The following NOL10 variants were observed in gnomAD, a reference collection of about 807,000 sequenced individuals.
NOL10 encodes the protein H_NH0074G24.1.
NOL10 carries 58 observed loss-of-function variants against 103.5 expected under a neutral mutation model. The observed-to-expected ratio is 0.56, with a 90% CI of 0.45 to 0.70. The LOEUF (loss-of-function observed/expected upper bound fraction) is 0.70, where lower values mean the gene tolerates loss of function less well. NOL10 is among the 30% of genes least tolerant of loss of function. The pLI, the probability that NOL10 is intolerant of heterozygous loss-of-function variation, is 0.00. For missense variants in NOL10, 763 were observed against 807.3 expected, an observed-to-expected ratio of 0.95 and a Z score of 0.67; for synonymous variants, 287 against 282.5, an observed-to-expected ratio of 1.02 and a Z score of -0.16.
chr2:10,591,458 C>T (rs868330932), intron 17 of NOL10, among the ~76,000 whole-genome samples: 4 of 151,912 alleles, frequency 2.6e-5, no homozygotes, highest in East Asian at 1.9e-4. Context: ...CATTTCCAGC[C>T]GATGGGAGTG....
chr2:10,619,237 C>CCT (rs56070731), intron 13 of NOL10, among the ~76,000 whole-genome samples: 87,366 of 151,878 alleles, frequency 0.58, 26,251 homozygotes, highest in African/African-American at 0.74. Context: ...GCCTTGATCA[C>CCT]GGGCTTAAGC....
chr2:10,684,483 C>G, intron 2 of NOL10, 84 bp downstream of exon 2: 2 of 1,074,558 alleles, frequency 1.9e-6, no homozygotes. Context: ...CTTATAAATC[C>G]TCACTTATAT....
chr2:10,585,962 C>T (rs1414979712), intron 19 of NOL10, among the ~76,000 whole-genome samples: 1 of 152,178 alleles, frequency 6.6e-6, no homozygotes, highest in African/African-American at 2.4e-5. Context: ...CCGATAGATG[C>T]TACAACACGG....
rs1572230683 is a variant in NOL10, at chr2:10,582,664, T to C, written c.1845-4926A>G. Among the ~76,000 whole-genome samples the C allele has an allele frequency of 2.6e-5, 4 of 152,314 alleles. 1 individual carries two copies. Among genetic ancestry groups the C allele is most frequent in the Admixed American group, 2.6e-4 (4 of 15,300 alleles). ...CACGCATCTGGACTTCTTTCCTCCA[T>C]GTCTCTGAGGATGCATACCTTGTCT... On this transcript the variant is annotated intron_variant, in intron 19 of 20. Transcript: ENST00000381685.
At chr2:10,619,287 G>C (rs1351599808) in intron 13 of NOL10, among the ~76,000 whole-genome samples, 2 of 152,178 alleles carry the variant, frequency 1.3e-5, no homozygotes, top group African/African-American at 4.8e-5. Context: ...TGGGACTACA[G>C]ACATGTACCC....
In NOL10 at chr2:10,572,119, C is replaced by T. The variant is rs1408532314; in HGVS notation, c.2019G>A (p.Ser673=). 1.9e-6 allele frequency: 3 copies of T among 1,613,976 alleles called. No homozygotes were observed. The highest frequency in any genetic ancestry group is 2.5e-6 in the Non-Finnish European group (3 of 1,179,886). ...HRQERKRLRR[S]AGHLKSRHKR... ...TGTGTCTTGACTTCAGGTGTCCGGC[C>T]GAACGACGGAGTCTTTTCCTTTCTT... Residue 673 remains serine, a synonymous_variant, in exon 21 of 21, where the codon TCG becomes TCA. Coordinates refer to ENST00000381685, the MANE Select transcript of NOL10 (RefSeq NM_024894.4).
At chr2:10,683,239 T>C (rs1192215044) in intron 2 of NOL10, among the ~76,000 whole-genome samples, 1 of 152,234 alleles carries the variant, frequency 6.6e-6, no homozygotes, top group Non-Finnish European at 1.5e-5. Flanking sequence ...CTTTCATATG[T>C]GACAAGCTAT....
chr2:10,621,963 T>C, intron 13 of NOL10: 2 of 430,416 alleles, frequency 4.6e-6, no homozygotes, highest in Non-Finnish European at 9.6e-6. Context: ...GCGATTTAAG[T>C]TAAAATTAAT....
At chr2:10,584,056 AC>A (rs1410225211) in intron 19 of NOL10, among the ~76,000 whole-genome samples, 1 of 151,952 alleles carries the variant, frequency 6.6e-6, no homozygotes, top group Non-Finnish European at 1.5e-5. Flanking sequence ...GTAGGAAGGC[AC>A]CCCCAACCCT....
At chr2:10,609,457 A>C (rs1478172741) in intron 13 of NOL10, among the ~76,000 whole-genome samples, 2 of 137,016 alleles carry the variant, frequency 1.5e-5, no homozygotes, top group African/African-American at 5.5e-5. Flanking sequence ...AAAAAAAATC[A>C]GGCGCGGTGG....
rs1329238242 is a variant in NOL10 at position 10,587,071 on chromosome 2, A to T, written c.1844+1972T>A. Among the ~76,000 whole-genome samples the T allele has an allele frequency of 7.1e-4, 28 of 39,398 alleles. 1 individual carries two copies. The highest frequency in any genetic ancestry group is 1.3e-3 in the Admixed American group (6 of 4,546). 25.8% of individuals were successfully genotyped at this position (39,398 alleles called of 152,430 possible). Reference sequence around the variant, plus strand: ...TATATATATACATATATATATACATATATATACATATATATACATATATAT... The same window carrying T: ...TATATATATACATATATATATACATTTATATACATATATATACATATATAT... On this transcript the variant is annotated intron_variant, in intron 19 of 20. Coordinates refer to ENST00000381685, the MANE Select transcript of NOL10 (RefSeq NM_024894.4).
In NOL10 at chr2:10,607,202, T is replaced by C. The variant is rs2148193378; in HGVS notation, c.1136A>G (p.Lys379Arg). The C allele has an allele frequency of 6.3e-7, 1 of 1,578,660 alleles. No homozygotes were observed. The highest frequency in any genetic ancestry group is 2.3e-5 in the East Asian group (1 of 44,324). The change falls in exon 14 of 21, where the codon AAA (lysine) becomes AGA (arginine). Residue 379 changes from lysine to arginine, a missense_variant. Lys to Arg is a conservative substitution (Grantham distance 26). Transcript: ENST00000381685. ...VYDDYKFVTKKDLENLGLTHL... is the reference protein window; with the variant it reads ...VYDDYKFVTKRDLENLGLTHL... ...TTTTTTACCTAAATTTTCAAGGTCT[T>C]TCTTGGTGACAAATTTATAATCATC...
At chr2:10,660,533 G>A (rs1385621931) in intron 9 of NOL10, among the ~76,000 whole-genome samples, 1 of 152,038 alleles carries the variant, frequency 6.6e-6, no homozygotes, top group African/African-American at 2.4e-5. Context: ...GCCCAGGCTG[G>A]TATTGAACTC....
intron 13 of NOL10, among the ~76,000 whole-genome samples, chr2:10,639,494 G>A (rs1481213136): frequency 6.6e-6 from 1 of 152,102 alleles, no homozygotes; most frequent in African/African-American, 2.4e-5. Context: ...ACATTACCAA[G>A]CAGCAAGCAA....
intron 9 of NOL10, among the ~76,000 whole-genome samples, 194 bp downstream of exon 9, chr2:10,662,765 T>C (rs1170741615): frequency 6.6e-6 from 1 of 152,212 alleles, no homozygotes; most frequent in Non-Finnish European, 1.5e-5. Flanking sequence ...TAAGGCCTTC[T>C]GTATAGTATT....
intron 13 of NOL10, among the ~76,000 whole-genome samples, chr2:10,632,205 C>T (rs1277921591): frequency 1.3e-5 from 2 of 152,058 alleles, no homozygotes; most frequent in African/African-American, 4.8e-5. Flanking sequence ...GCTTTAGGTG[C>T]TGAGGATATA....
At position 10,606,432 on chromosome 2, in the gene NOL10, C is replaced by G. The variant is rs528465417; in HGVS notation, c.1153+753G>C. ...CTGAGGCCAGGAGTTCAAGACCAGC[C>G]CGGCCAACATGGTGAAACCCCGTCT... On this transcript the variant is annotated intron_variant, in intron 14 of 20. Transcript: ENST00000381685. Among the ~76,000 whole-genome samples the G allele has an allele frequency of 4.2e-3, 632 of 151,794 alleles. 7 individuals are homozygous for G. The highest frequency in any genetic ancestry group is 0.014 in the African/African-American group (588 of 41,414).
intron 10 of NOL10, among the ~76,000 whole-genome samples, chr2:10,658,192 G>A (rs1027380198): frequency 1.3e-5 from 2 of 152,138 alleles, no homozygotes; most frequent in Non-Finnish European, 2.9e-5. Flanking sequence ...TATACTGAGG[G>A]CCTATGTACC....
At chr2:10,596,507 C>T (rs913215069) in intron 17 of NOL10, among the ~76,000 whole-genome samples, 2 of 152,120 alleles carry the variant, frequency 1.3e-5, no homozygotes, top group Non-Finnish European at 2.9e-5. Flanking sequence ...CTAGATCCCT[C>T]GCATGCGCAG....
Sources: gnomAD v4.1 joint callset for allele counts (sites outside exome capture counted in the v4.1 genomes callset) on GRCh38, gnomAD v4.1.1 for gene constraint, MANE v1.5 for transcripts, NCBI Gene and HGNC (gene_info 2026-07-23, HGNC 2026-07-21) for gene names.